The following MSTO1 variants were observed in gnomAD, a reference collection of about 807,000 sequenced individuals.
MSTO1 encodes protein misato homolog 1.
In MSTO1, 24 loss-of-function variants were observed where a neutral mutation model predicts 55.7. That is an observed-to-expected ratio of 0.43 (90% CI 0.31 to 0.61). The LOEUF (loss-of-function observed/expected upper bound fraction) is 0.61, where lower values mean the gene tolerates loss of function less well. MSTO1 is among the 20% of genes least tolerant of loss of function. The pLI is 0.09. For synonymous variants in MSTO1, 162 were observed against 252.8 expected, an observed-to-expected ratio of 0.64 and a Z score of 3.41; for missense variants, 363 against 625.7, an observed-to-expected ratio of 0.58 and a Z score of 4.48.
At chr1:155,604,722 A>T in the MSTO1 span, among the ~76,000 whole-genome samples, 1 of 152,078 alleles carries the variant, frequency 6.6e-6, no homozygotes, top group Admixed American at 6.6e-5. Context: ...CAAAAAATGC[A>T]AAATTAGCTG....
At chr1:155,569,816 A>G in the MSTO1 span, among the ~76,000 whole-genome samples, 3 of 151,574 alleles carry the variant, frequency 2.0e-5, no homozygotes, top group South Asian at 6.2e-4. Flanking sequence ...TGGATTTGAG[A>G]TTTTGTTGGA....
At chr1:155,569,964 A>G in the MSTO1 span, among the ~76,000 whole-genome samples, 1 of 152,328 alleles carries the variant, frequency 6.6e-6, no homozygotes, top group South Asian at 2.1e-4. Flanking sequence ...ATTGCTAACT[A>G]TTAACATTAG....
the MSTO1 span, among the ~76,000 whole-genome samples, chr1:155,589,902 G>A: frequency 6.6e-6 from 1 of 151,622 alleles, no homozygotes; most frequent in African/African-American, 2.4e-5. Context: ...ACACACCCAG[G>A]AACAATACTT....
chr1:155,588,240 A>T, the MSTO1 span, among the ~76,000 whole-genome samples: 1 of 151,972 alleles, frequency 6.6e-6, no homozygotes, highest in Non-Finnish European at 1.5e-5. Flanking sequence ...GCCAATTTAC[A>T]ATTTTAGCAT....
At chr1:155,591,213 C>T in the MSTO1 span, 1 of 1,611,926 alleles carries the variant, frequency 6.2e-7, no homozygotes, top group Non-Finnish European at 8.5e-7. Flanking sequence ...ATTCACCCAG[C>T]CCAGCAGTGT....
At chr1:155,590,698 C>T in the MSTO1 span, 10 of 1,528,832 alleles carry the variant, frequency 6.5e-6, no homozygotes, top group Non-Finnish European at 8.9e-6. Context: ...GCCCCGTGAC[C>T]CCCCGGAGGG....
chr1:155,612,168 T>C lies in MSTO1; in HGVS notation c.679-14T>C, dbSNP rs771259527. The stretch of plus-strand genomic sequence containing the variant: ...CATCCTGCTAACTATCTTTTGTCAC[T>C]CACCCCCGTCCAGGGCTTCCAGATC... On this transcript the variant is annotated splice_polypyrimidine_tract_variant and intron_variant, in intron 7 of 13. Coordinates refer to ENST00000245564, the MANE Select transcript of MSTO1 (RefSeq NM_018116.4). The C allele has an allele frequency of 1.2e-6, 2 of 1,613,722 alleles. No individual in the cohort carries two copies. Among genetic ancestry groups the C allele is most frequent in the Non-Finnish European group, 1.7e-6 (2 of 1,179,868 alleles).
upstream of MSTO1, among the ~76,000 whole-genome samples, chr1:155,606,632 G>A (rs886949301): frequency 3.3e-5 from 5 of 150,262 alleles, no homozygotes; most frequent in Non-Finnish European, 5.9e-5. Context: ...GACCTCAGGT[G>A]ATCGCCTGCC....
At chr1:155,592,710 T>A in the MSTO1 span, among the ~76,000 whole-genome samples, 1 of 151,804 alleles carries the variant, frequency 6.6e-6, no homozygotes, top group South Asian at 2.1e-4. Flanking sequence ...CCTGCCACCA[T>A]GCCCCGGCTA....
the MSTO1 span, chr1:155,590,674 A>G: frequency 1.4e-6 from 2 of 1,455,160 alleles, no homozygotes; most frequent in Non-Finnish European, 1.9e-6. Context: ...GTAGCGGGCC[A>G]TGTAATGGCT....
the MSTO1 span, chr1:155,590,514 C>T: frequency 1.6e-6 from 1 of 612,548 alleles, no homozygotes; most frequent in Non-Finnish European, 2.8e-6. Flanking sequence ...GAGGCAGAAA[C>T]AAAAGATATG....
the MSTO1 span, chr1:155,591,084 G>T: frequency 6.2e-7 from 1 of 1,613,602 alleles, no homozygotes; most frequent in Non-Finnish European, 8.5e-7. Flanking sequence ...ACTGCATCTG[G>T]CTAGTGCTCT....
chr1:155,601,115 A>G, the MSTO1 span, among the ~76,000 whole-genome samples: 3 of 148,890 alleles, frequency 2.0e-5, no homozygotes, highest in Non-Finnish European at 4.5e-5. Context: ...CACCGCACCC[A>G]GCCTTGCTTG....
chr1:155,563,879 A>G, the MSTO1 span: 2 of 306,740 alleles, frequency 6.5e-6, no homozygotes, highest in South Asian at 2.7e-5. Flanking sequence ...TGATGTCGAT[A>G]ACGTTTGTGG....
chr1:155,613,009 G>C, intron 10 of MSTO1, 34 bp downstream of exon 10: 1 of 1,614,002 alleles, frequency 6.2e-7, no homozygotes, highest in Non-Finnish European at 8.5e-7. Context: ...GGTCAGTGCT[G>C]AGAAAATGTC....
Position 155,613,536 on chromosome 1 carries a change from A to G in MSTO1, c.1358A>G (p.Tyr453Cys), listed in dbSNP as rs1674842953. 5.6e-6 allele frequency: 9 copies of G among 1,613,132 alleles called. No homozygotes were observed. Among genetic ancestry groups the G allele is most frequent in the Non-Finnish European group, 7.6e-6 (9 of 1,179,596 alleles). ...ACTGGGGAAGAAATCTTGGCTCAGT[A>G]TTTACAACAGCAGCAGCCTGGAGTC... is the stretch of plus-strand genomic sequence containing the variant. ...CTTGEEILAQ[Y>C]LQQQQPGVMS... The change falls in exon 12 of 14, where the codon TAT (tyrosine) becomes TGT (cysteine). Residue 453 changes from tyrosine to cysteine, a missense_variant. Physicochemically the swap from Tyr to Cys is radical, Grantham distance 194. Around this residue, in one of 3 missense-constraint regions of MSTO1, gnomAD observed 231 missense variants for 286.9 expected, o/e 0.81. Transcript: ENST00000245564.
At chr1:155,570,478 A>G in the MSTO1 span, among the ~76,000 whole-genome samples, 7 of 152,170 alleles carry the variant, frequency 4.6e-5, no homozygotes, top group Non-Finnish European at 1.0e-4. Context: ...GGATCACCCT[A>G]AGATGATCCC....
At chr1:155,580,685 G>A in the MSTO1 span, among the ~76,000 whole-genome samples, 2 of 152,096 alleles carry the variant, frequency 1.3e-5, no homozygotes, top group South Asian at 2.1e-4. Flanking sequence ...TTGGGAGGCC[G>A]AGGTGGGCGG....
the MSTO1 span, among the ~76,000 whole-genome samples, chr1:155,593,861 C>T: frequency 4.0e-5 from 6 of 149,966 alleles, no homozygotes; most frequent in Admixed American, 3.3e-4. Context: ...CCCAGCTACT[C>T]GGGAGGCTGA....
Sources: allele counts gnomAD v4.1 joint callset (sites outside exome capture counted in the v4.1 genomes callset), GRCh38; gene constraint gnomAD v4.1.1; regional missense constraint gnomAD v4.1.1; transcripts MANE v1.5; gene names NCBI Gene and HGNC (gene_info 2026-07-23, HGNC 2026-07-21).